SPATA31A1: variants seen among roughly 807,000 people sequenced by gnomAD.
The protein encoded by SPATA31A1 is SPATA31 subfamily A member 1.
For synonymous variants in SPATA31A1, 194 were observed against 573.4 expected, an observed-to-expected ratio of 0.34 and a Z score of 9.45; for missense variants, 579 against 1,476.3, an observed-to-expected ratio of 0.39 and a Z score of 9.96.
Position 39,361,218 on chromosome 9 carries a change from G to T in SPATA31A1, c.3453G>T (p.Leu1151=). The change falls in exon 4 of 4, where the codon CTG becomes CTT. Residue 1151 remains leucine (L), a synonymous_variant. Transcript: ENST00000377647. ...ATCAGGATGAAGGCGTCCAGCTACT[G>T]CCATCAAAGAAACAGCCTCCTTCAG... ...DTHQDEGVQL[L]PSKKQPPSVS... 1 of 1,611,518 alleles carries T rather than the reference G, an allele frequency of 6.2e-7. No homozygotes were observed. The highest frequency in any genetic ancestry group is 8.5e-7 in the Non-Finnish European group (1 of 1,179,808).
At chr9:39,356,539 TTTTCATTTTATTTTATTTTATTTTA>T (rs1823331685) in intron 1 of SPATA31A1, among the ~76,000 whole-genome samples, 180 of 130,892 alleles carry the variant, frequency 1.4e-3, no homozygotes, top group African/African-American at 5.0e-3. Flanking sequence ...GTGTGTGTTA[TTTTCATTTTATTTTATTTTATTTTA>T]TTTTATTTTA....
chr9:39,360,979 C>G lies in SPATA31A1; in HGVS notation c.3214C>G (p.Leu1072Val), dbSNP rs1361191021. 1 of 1,609,746 alleles carries G rather than the reference C, an allele frequency of 6.2e-7. No homozygotes were observed. The highest frequency in any genetic ancestry group is 8.5e-7 in the Non-Finnish European group (1 of 1,179,502). Residue 1072 changes from leucine (L) to valine (V), a missense_variant, in exon 4 of 4, where the codon CTA becomes GTA. Physicochemically the swap from Leu to Val is conservative, Grantham distance 32 (BLOSUM62 1). Coordinates refer to ENST00000377647, the MANE Select transcript of SPATA31A1 (RefSeq NM_001085452.4). ...TGGGAACATGCGGGCTTCCCAGGAG[C>G]TACATGACCTTATGGCAGCCAGAAG... ...PAGNMRASQE[L>V]HDLMAARRSK... is the part of the protein sequence containing the mutation.
chr9:39,358,822 C>T lies in SPATA31A1; in HGVS notation c.1057C>T (p.Arg353Ter), dbSNP rs1388438641. 17 of 1,596,850 alleles carry T rather than the reference C, an allele frequency of 1.1e-5. No individual in the cohort carries two copies. Among genetic ancestry groups the T allele is most frequent in the African/African-American group, 8.0e-5 (6 of 74,602 alleles). Residue 353 changes from arginine to a stop codon, truncating the protein, a stop_gained, in exon 4 of 4, where the codon CGA becomes TGA. Transcript: ENST00000377647. LOFTEE classifies it low-confidence loss of function (END_TRUNC). ...AGAAAATGTTGGATCATTTACAGATCGAATGACCCCAGAAAAGCACTTAAA... is the reference window on the plus strand; with the variant it reads ...AGAAAATGTTGGATCATTTACAGATTGAATGACCCCAGAAAAGCACTTAAA... ...EKENVGSFTDRMTPEKHLNSL... is the reference protein window; with the variant it reads ...EKENVGSFTD
At position 39,358,412 on chromosome 9, in the gene SPATA31A1, G is replaced by T. The variant is rs1823381984; in HGVS notation, c.647G>T (p.Cys216Phe). 1.3e-6 allele frequency: 2 copies of T among 1,537,816 alleles called. No individual in the cohort carries two copies. Among genetic ancestry groups the T allele is most frequent in the South Asian group, 1.1e-5 (1 of 87,142 alleles). Residue 216 changes from cysteine (C) to phenylalanine (F), a missense_variant, in exon 4 of 4, where the codon TGC becomes TTC. Cys to Phe is a radical substitution (Grantham distance 205, BLOSUM62 -2). Coordinates refer to ENST00000377647, the MANE Select transcript of SPATA31A1 (RefSeq NM_001085452.4). ...CCACACACCCCTGATCCTCTGGCCT[G>T]CTCTCCGCCTCCTCCAAAAGGCTTC... is the stretch of plus-strand genomic sequence containing the variant. ...HPPHTPDPLA[C>F]SPPPPKGFTA...
In SPATA31A1 at chr9:39,361,118, T is replaced by C; in HGVS notation, c.3353T>C (p.Leu1118Ser). 1 of 1,611,058 alleles carries C rather than the reference T, an allele frequency of 6.2e-7. No individual in the cohort carries two copies. The highest frequency in any genetic ancestry group is 8.5e-7 in the Non-Finnish European group (1 of 1,179,714). ...HKSEKSRKPNLEKHEERLEGL... is the reference protein window; with the variant it reads ...HKSEKSRKPNSEKHEERLEGL... ...AGTGAGAAGTCTAGGAAGCCCAACTTAGAAAAACATGAAGAAAGGCTTGAA... is the reference window on the plus strand; with the variant it reads ...AGTGAGAAGTCTAGGAAGCCCAACTCAGAAAAACATGAAGAAAGGCTTGAA... The change falls in exon 4 of 4, where the codon TTA becomes TCA. Residue 1118 changes from leucine to serine, a missense_variant. By Grantham distance (145) the Leu-to-Ser change is moderately radical. Coordinates refer to ENST00000377647, the MANE Select transcript of SPATA31A1 (RefSeq NM_001085452.4).
rs746587778 is a variant in SPATA31A1 at position 39,361,080 on chromosome 9, C to T, written c.3315C>T (p.Pro1105=). 7 of 1,611,146 alleles carry T rather than the reference C, an allele frequency of 4.3e-6. No homozygotes were observed. In the African/African-American group the frequency reaches 5.4e-5, roughly 12 times the overall value. ...GCAAGAACCAAAGGCCAATGTTTCC[C>T]CCTATTCACAAGAGTGAGAAGTCTA... is the stretch of plus-strand genomic sequence containing the variant. The part of the protein sequence containing the change: ...GSCKNQRPMF[P]PIHKSEKSRK... The change falls in exon 4 of 4, where the codon CCC becomes CCT. Residue 1105 remains proline, a synonymous_variant. Transcript: ENST00000377647.
chr9:39,358,801 A>C lies in SPATA31A1; in HGVS notation c.1036A>C (p.Asn346His). ...GGTCAACATTTGGGAAGAAAAAGAA[A>C]ATGTTGGATCATTTACAGATCGAAT... The part of the protein sequence containing the change: ...AKVNIWEEKE[N>H]VGSFTDRMTP... Residue 346 changes from asparagine to histidine, a missense_variant, in exon 4 of 4, where the codon AAT (asparagine) becomes CAT (histidine). Transcript: ENST00000377647. 2 of 1,598,480 alleles carry C rather than the reference A, an allele frequency of 1.3e-6. No individual in the cohort carries two copies. Among genetic ancestry groups the C allele is most frequent in the South Asian group, 2.2e-5 (2 of 91,000 alleles).
In SPATA31A1 at chr9:39,361,054, T is replaced by G. The variant is rs201815457; in HGVS notation, c.3289T>G (p.Cys1097Gly). The change falls in exon 4 of 4, where the codon TGC (cysteine) becomes GGC (glycine). Residue 1097 changes from cysteine to glycine, a missense_variant. Transcript: ENST00000377647. The stretch of plus-strand genomic sequence containing the variant: ...CAGAAACCCAAACTGTCAAGGCTCA[T>G]GCAAGAACCAAAGGCCAATGTTTCC... ...EPRNPNCQGS[C>G]KNQRPMFPPI... 305 of 1,610,636 alleles carry G rather than the reference T, an allele frequency of 1.9e-4. 4 individuals are homozygous for G. The African/African-American group carries it at 3.7e-3, about 19-fold the overall frequency.
Position 39,361,020 on chromosome 9 carries a change from C to T in SPATA31A1, c.3255C>T (p.His1085=), listed in dbSNP as rs542397203. The T allele has an allele frequency of 1.0e-4, 163 of 1,610,996 alleles. No homozygotes were observed. Among genetic ancestry groups the T allele is most frequent in the East Asian group, 6.2e-4 (28 of 44,856 alleles). Residue 1085 remains histidine (H), a synonymous_variant, in exon 4 of 4, where the codon CAC becomes CAT. Transcript: ENST00000377647. ...LMAARRSKLV[H]EEPRNPNCQG... is the part of the protein sequence containing the mutation. ...CAGCCAGAAGGAGCAAACTGGTGCACGAGGAGCCCAGAAACCCAAACTGTC... is the reference window on the plus strand; with the variant it reads ...CAGCCAGAAGGAGCAAACTGGTGCATGAGGAGCCCAGAAACCCAAACTGTC...
intron 1 of SPATA31A1, among the ~76,000 whole-genome samples, chr9:39,356,539 T>TTTTTA (rs1563910208): frequency 7.6e-6 from 1 of 131,086 alleles, no homozygotes; most frequent in African/African-American, 3.0e-5. Context: ...GTGTGTGTTA[T>TTTTTA]TTTCATTTTA....
In SPATA31A1 at chr9:39,358,344, A is replaced by G; in HGVS notation, c.579A>G (p.Leu193=). Residue 193 remains leucine, a synonymous_variant, in exon 4 of 4, where the codon CTA becomes CTG. Transcript: ENST00000377647. ...AGCCACCAGAACCTTCCCTTCCCCT[A>G]GAACACCCCTCACCCGAGCCACCTG... The part of the protein sequence containing the change: ...ASQPPEPSLP[L]EHPSPEPPAL... 1 of 1,525,056 alleles carries G rather than the reference A, an allele frequency of 6.6e-7. No individual in the cohort carries two copies. 94.5% of individuals were successfully genotyped at this position (1,525,056 alleles called of 1,614,324 possible). A position where few individuals can be genotyped will look rare whatever the true frequency, so the allele number is the denominator to read the frequency against.
chr9:39,358,631 C>T lies in SPATA31A1; in HGVS notation c.866C>T (p.Thr289Ile), dbSNP rs1350736293. Residue 289 changes from threonine (T) to isoleucine (I), a missense_variant, in exon 4 of 4, where the codon ACC (threonine) becomes ATC (isoleucine). By Grantham distance (89) the Thr-to-Ile change is moderately conservative. Transcript: ENST00000377647. ...ASSRWQETAR[T>I]SCAFNSSVQQ... ...TCCCGGTGGCAGGAGACTGCCAGAA[C>T]CTCGTGCGCCTTTAACTCATCAGTC... is the stretch of plus-strand genomic sequence containing the variant. 1.2e-6 allele frequency: 2 copies of T among 1,604,776 alleles called. No individual in the cohort carries two copies. The highest frequency in any genetic ancestry group is 1.7e-6 in the Non-Finnish European group (2 of 1,179,438).
In SPATA31A1 at chr9:39,358,761, C is replaced by T. The variant is rs1324232323; in HGVS notation, c.996C>T (p.Val332=). ...GCCAGAATGCCGTGGGGATACAAGT[C>T]ACAGAAACAGCCAAGGTCAACATTT... ...SDGQNAVGIQ[V]TETAKVNIWE... The change falls in exon 4 of 4, where the codon GTC becomes GTT. Residue 332 remains valine, a synonymous_variant. Coordinates refer to ENST00000377647, the MANE Select transcript of SPATA31A1 (RefSeq NM_001085452.4). The T allele has an allele frequency of 1.0e-5, 16 of 1,601,962 alleles. No homozygotes were observed. Among genetic ancestry groups the T allele is most frequent in the Non-Finnish European group, 1.2e-5 (14 of 1,179,784 alleles).
In SPATA31A1 at chr9:39,358,700, T is replaced by C. The variant is rs1416946558; in HGVS notation, c.935T>C (p.Met312Thr). 5.6e-6 allele frequency: 9 copies of C among 1,608,060 alleles called. No individual in the cohort carries two copies. The highest frequency in any genetic ancestry group is 1.6e-4 in the Middle Eastern group (1 of 6,072). The change falls in exon 4 of 4, where the codon ATG becomes ACG. Residue 312 changes from methionine (M) to threonine (T), a missense_variant. By Grantham distance (81) the Met-to-Thr change is moderately conservative. Transcript: ENST00000377647. ...CGCCACCCACCAGAGACCTACCAGA[T>C]GGAAGCTGGTAGCCTGTTTTTGCTC... ...LSRHPPETYQ[M>T]EAGSLFLLSS...
In SPATA31A1 at chr9:39,360,697, C is replaced by A; in HGVS notation, c.2932C>A (p.His978Asn). 1 of 1,612,738 alleles carries A rather than the reference C, an allele frequency of 6.2e-7. No homozygotes were observed. The highest frequency in any genetic ancestry group is 1.1e-5 in the South Asian group (1 of 91,034). Residue 978 changes from histidine to asparagine, a missense_variant, in exon 4 of 4, where the codon CAT (histidine) becomes AAT (asparagine). By Grantham distance (68) the His-to-Asn change is moderately conservative. Transcript: ENST00000377647. ...ANLQATSEDM[H>N]GFEAPGTSKS... ...CCTCCAAGCCACAAGTGAGGATATG[C>A]ATGGTTTCGAGGCTCCAGGGACCAG...
In SPATA31A1 at chr9:39,361,801, G is replaced by C. The variant is rs1823475853; in HGVS notation, c.4036G>C (p.Gly1346Arg). Residue 1346 changes from glycine (G) to arginine (R), a missense_variant, in exon 4 of 4, where the codon GGT (glycine) becomes CGT (arginine). Gly to Arg is a moderately radical substitution (Grantham distance 125). Coordinates refer to ENST00000377647, the MANE Select transcript of SPATA31A1 (RefSeq NM_001085452.4). ...TCCAAGGCACTGTCTTCTTTGGGAA[G>C]GTATCTGATTTGGTCAGTCACAAAT... The part of the protein sequence containing the change: ...HCPRHCLLWE[G>R]I The C allele has an allele frequency of 6.2e-7, 1 of 1,609,338 alleles. No individual in the cohort carries two copies. The highest frequency in any genetic ancestry group is 1.7e-5 in the Admixed American group (1 of 59,362).
chr9:39,355,792 C>T lies in SPATA31A1; in HGVS notation c.62C>T (p.Ser21Phe). 2 of 383,900 alleles carry T rather than the reference C, an allele frequency of 5.2e-6. No individual in the cohort carries two copies. Among genetic ancestry groups the T allele is most frequent in the South Asian group, 2.9e-5 (1 of 34,444 alleles). 23.8% of individuals were successfully genotyped at this position (383,900 alleles called of 1,614,324 possible). Reference protein sequence around the residue: ...LSASSLNAPSSTPWVLDIFLT... With the variant: ...LSASSLNAPSFTPWVLDIFLT... ...GCCTCATCGCTAAACGCCCCCAGTT[C>T]CACACCATGGGTGTTGGATATCTTC... The change falls in exon 1 of 4, where the codon TCC becomes TTC. Residue 21 changes from serine (S) to phenylalanine (F), a missense_variant. Ser to Phe is a radical substitution (Grantham distance 155, BLOSUM62 -2). Coordinates refer to ENST00000377647, the MANE Select transcript of SPATA31A1 (RefSeq NM_001085452.4).
rs1823462524 is a variant in SPATA31A1 at position 39,361,364 on chromosome 9, A to G, written c.3599A>G (p.Tyr1200Cys). ...ACAGTGAAAAACAGATCATGTGTGT[A>G]CAGCAGCAGTGCTGAAGCTCAGGGT... ...QKTVKNRSCV[Y>C]SSSAEAQGLM... Residue 1200 changes from tyrosine (Y) to cysteine (C), a missense_variant, in exon 4 of 4, where the codon TAC becomes TGC. Coordinates refer to ENST00000377647, the MANE Select transcript of SPATA31A1 (RefSeq NM_001085452.4). The G allele has an allele frequency of 2.5e-6, 4 of 1,613,562 alleles. No homozygotes were observed. The highest frequency in any genetic ancestry group is 3.3e-4 in the Middle Eastern group (2 of 6,046).
At chr9:39,356,406 C>A (rs1823327486) in intron 1 of SPATA31A1, among the ~76,000 whole-genome samples, 1 of 103,462 alleles carries the variant, frequency 9.7e-6, no homozygotes, top group Non-Finnish European at 1.9e-5. Context: ...TGCCTGCGGG[C>A]CTGAACTTGG....
Sources: allele counts gnomAD v4.1 joint callset (sites outside exome capture counted in the v4.1 genomes callset), GRCh38; gene constraint gnomAD v4.1.1; transcripts MANE v1.5; gene names NCBI Gene and HGNC (gene_info 2026-07-23, HGNC 2026-07-21).